NBAS: variants seen among roughly 807,000 people sequenced by gnomAD.
NBAS encodes NBAS subunit of NRZ tethering complex.
Under a neutral mutation model 302.5 loss-of-function variants are expected in NBAS, and 219 were observed. The observed-to-expected ratio is 0.72, with a 90% CI of 0.65 to 0.81. The LOEUF (loss-of-function observed/expected upper bound fraction) is 0.81, where lower values mean the gene tolerates loss of function less well. NBAS is among the 30% of genes least tolerant of loss of function. The probability of loss-of-function intolerance (pLI) is 0.00; values close to 1 mark genes in which losing one functional copy is unlikely to be tolerated. For missense variants in NBAS, 2,932 were observed against 2,841.6 expected, an observed-to-expected ratio of 1.03 and a Z score of -0.72; for synonymous variants, 1,118 against 1,021.6, an observed-to-expected ratio of 1.09 and a Z score of -1.80.
intron 24 of NBAS, among the ~76,000 whole-genome samples, chr2:15,416,085 CAG>C (rs142747790): frequency 3.8e-3 from 561 of 145,978 alleles, no homozygotes; most frequent in Middle Eastern, 7.1e-3. Context: ...TACGCAAAAA[CAG>C]AGAGAGAGAG....
chr2:14,830,398 G>T, the NBAS span, among the ~76,000 whole-genome samples: 1 of 152,118 alleles, frequency 6.6e-6, no homozygotes, highest in Non-Finnish European at 1.5e-5. Flanking sequence ...TAGCACTCAT[G>T]ATTAACCCCT....
At chr2:15,203,019 T>C (rs1054783860) in intron 48 of NBAS, among the ~76,000 whole-genome samples, 1 of 152,220 alleles carries the variant, frequency 6.6e-6, no homozygotes, top group Non-Finnish European at 1.5e-5. Context: ...TACATAAAAA[T>C]ACCTCTCTTA....
At chr2:14,859,633 T>G in the NBAS span, among the ~76,000 whole-genome samples, 1 of 152,132 alleles carries the variant, frequency 6.6e-6, no homozygotes, top group African/African-American at 2.4e-5. Flanking sequence ...GATATTCATA[T>G]GCAAAAGAAT....
intron 22 of NBAS, among the ~76,000 whole-genome samples, chr2:15,425,753 T>C (rs564234732): frequency 2.0e-5 from 3 of 152,280 alleles, no homozygotes; most frequent in Admixed American, 1.3e-4. Context: ...TGCTCTATTT[T>C]TGCAAGAAAA....
the NBAS span, among the ~76,000 whole-genome samples, chr2:15,011,723 G>T: frequency 6.6e-6 from 1 of 152,016 alleles, no homozygotes; most frequent in African/African-American, 2.4e-5. Flanking sequence ...GAAACACCAA[G>T]AAAGCCCAAC....
the NBAS span, among the ~76,000 whole-genome samples, chr2:14,853,457 C>G: frequency 1.0e-5 from 1 of 97,312 alleles, no homozygotes; most frequent in Non-Finnish European, 2.0e-5. Flanking sequence ...AATAGGGACA[C>G]TTTTACACTG....
chr2:15,537,613 T>C (rs1663581755), intron 7 of NBAS, among the ~76,000 whole-genome samples: 2 of 152,158 alleles, frequency 1.3e-5, no homozygotes, highest in Non-Finnish European at 2.9e-5. Context: ...ATTCTGTCTT[T>C]ACAAAAGTTT....
At chr2:14,814,925 T>C in the NBAS span, among the ~76,000 whole-genome samples, 1 of 152,258 alleles carries the variant, frequency 6.6e-6, no homozygotes, top group African/African-American at 2.4e-5. Context: ...ACCATCCCCC[T>C]AGTGCTGTCT....
chr2:14,897,466 A>G, the NBAS span, among the ~76,000 whole-genome samples: 1 of 152,166 alleles, frequency 6.6e-6, no homozygotes, highest in Admixed American at 6.5e-5. Flanking sequence ...CCCCTCTCCC[A>G]TATCCATTGC....
chr2:15,269,471 T>C (rs759805), intron 44 of NBAS, among the ~76,000 whole-genome samples: 36,323 of 152,076 alleles, frequency 0.24, 4,753 homozygotes, highest in Middle Eastern at 0.38. Context: ...AGCGAGACTG[T>C]GACTTCAAGA....
intron 28 of NBAS, among the ~76,000 whole-genome samples, chr2:15,391,894 AC>A (rs1233837876): frequency 6.6e-6 from 1 of 151,788 alleles, no homozygotes; most frequent in African/African-American, 2.4e-5. Context: ...AAAAAAAAAA[AC>A]TGTCACATTG....
At chr2:14,800,386 G>A in the NBAS span, among the ~76,000 whole-genome samples, 1 of 152,152 alleles carries the variant, frequency 6.6e-6, no homozygotes, top group Non-Finnish European at 1.5e-5. Flanking sequence ...ATGTGACTTG[G>A]TCTTCCTTGC....
At chr2:15,508,330 C>A (rs1484186464) in intron 10 of NBAS, among the ~76,000 whole-genome samples, 2 of 152,100 alleles carry the variant, frequency 1.3e-5, no homozygotes, top group African/African-American at 4.8e-5. Context: ...CAGTAAGGTG[C>A]AAAGGGAAAG....
the NBAS span, among the ~76,000 whole-genome samples, chr2:15,091,628 G>A: frequency 6.6e-6 from 1 of 151,828 alleles, no homozygotes; most frequent in African/African-American, 2.4e-5. Flanking sequence ...CACTTCCCGG[G>A]TTCAAGCAAT....
chr2:15,239,191 C>A, intron 44 of NBAS, among the ~76,000 whole-genome samples: 1 of 151,838 alleles, frequency 6.6e-6, no homozygotes, highest in Admixed American at 6.6e-5. Flanking sequence ...AAAACAGTAT[C>A]CAAACATTTT....
At chr2:14,785,454 GT>G in the NBAS span, among the ~76,000 whole-genome samples, 3 of 152,216 alleles carry the variant, frequency 2.0e-5, no homozygotes, top group African/African-American at 7.2e-5. Flanking sequence ...TTGGCTGTGG[GT>G]TTGTCATAGA....
intron 21 of NBAS, among the ~76,000 whole-genome samples, chr2:15,433,902 C>T (rs1411666090): frequency 6.6e-6 from 1 of 151,080 alleles, no homozygotes; most frequent in Non-Finnish European, 1.5e-5. Flanking sequence ...AGTTTGAGAC[C>T]AGCCCCGGCA....
intron 47 of NBAS, among the ~76,000 whole-genome samples, chr2:15,227,105 G>A (rs1231068272): frequency 6.6e-6 from 1 of 152,136 alleles, no homozygotes; most frequent in East Asian, 1.9e-4. Context: ...GTTTTATCAT[G>A]AAGGAATATT....
At chr2:15,111,887 TA>T in the NBAS span, among the ~76,000 whole-genome samples, 1 of 147,852 alleles carries the variant, frequency 6.8e-6, no homozygotes, top group African/African-American at 2.4e-5. Flanking sequence ...TTAATTATAT[TA>T]ATTAAATATT....
Sources: gnomAD v4.1 joint callset for allele counts (sites outside exome capture counted in the v4.1 genomes callset) on GRCh38, gnomAD v4.1.1 for gene constraint, MANE v1.5 for transcripts, NCBI Gene and HGNC (gene_info 2026-07-23, HGNC 2026-07-21) for gene names.